The following CPQ variants were observed in gnomAD, a reference collection of about 807,000 sequenced individuals.
The protein encoded by CPQ is Ser-Met dipeptidase.
A neutral mutation model predicts 45.7 loss-of-function variants in CPQ; 37 were observed. The observed-to-expected ratio is 0.81, with a 90% CI of 0.62 to 1.07. CPQ has a LOEUF of 1.07. Ranked by LOEUF, CPQ falls within the 50% of genes least tolerant of loss-of-function variation. CPQ has a pLI of 0.00. For missense variants in CPQ, 537 were observed against 572.9 expected (o/e 0.94, Z 0.64); for synonymous variants, 186 against 205.8 (o/e 0.90, Z 0.82).
At chr8:97,075,725 G>A (rs904238465) in intron 7 of CPQ, among the ~76,000 whole-genome samples, 3 of 152,062 alleles carry the variant, frequency 2.0e-5, no homozygotes, top group Admixed American at 2.0e-4. Flanking sequence ...AATTTATTTT[G>A]ACTTGTTTTA....
intron 7 of CPQ, among the ~76,000 whole-genome samples, chr8:97,122,908 A>AAAAT (rs1811735164): frequency 7.9e-5 from 7 of 88,972 alleles, no homozygotes; most frequent in African/African-American, 4.5e-4. Context: ...AAAATAAAAT[A>AAAAT]AAATAAAATA....
intron 6 of CPQ, among the ~76,000 whole-genome samples, chr8:97,059,000 C>T (rs1043536954): frequency 6.6e-6 from 1 of 151,980 alleles, no homozygotes; most frequent in Non-Finnish European, 1.5e-5. Context: ...ATGTTTATGC[C>T]ACATTTTTAG....
At chr8:96,685,437 C>A (rs1809213658) in intron 1 of CPQ, among the ~76,000 whole-genome samples, 1 of 151,810 alleles carries the variant, frequency 6.6e-6, no homozygotes, top group Non-Finnish European at 1.5e-5. Flanking sequence ...CTTAATTTTT[C>A]TTCGATTAGT....
chr8:96,894,932 A>G (rs933226515), intron 4 of CPQ, among the ~76,000 whole-genome samples: 19 of 152,206 alleles, frequency 1.2e-4, no homozygotes, highest in Non-Finnish European at 2.5e-4. Context: ...AACCAATTAT[A>G]TGTTTTACTT....
intron 1 of CPQ, among the ~76,000 whole-genome samples, chr8:96,771,678 C>G (rs1810544964): frequency 6.6e-6 from 1 of 152,068 alleles, no homozygotes. Context: ...CAAGACAGTA[C>G]CTATTTACAA....
In CPQ at chr8:97,029,465, G is replaced by A; in HGVS notation, c.1024G>A (p.Gly342Ser). 1 of 1,608,848 alleles carries A rather than the reference G, an allele frequency of 6.2e-7. No individual in the cohort carries two copies. The highest frequency in any genetic ancestry group is 8.5e-7 in the Non-Finnish European group (1 of 1,177,426). ...GACTGCAGAAGAACAAGGTGGAGTT[G>A]GTGCCTTCCAGTATTATCAGTTACA... ...LWTAEEQGGV[G>S]AFQYYQLHKV... The change falls in exon 6 of 8, where the codon GGT (glycine) becomes AGT (serine). Residue 342 changes from glycine to serine, a missense_variant. By Grantham distance (56) the Gly-to-Ser change is moderately conservative. Coordinates refer to ENST00000220763, the MANE Select transcript of CPQ (RefSeq NM_016134.4).
intron 6 of CPQ, among the ~76,000 whole-genome samples, chr8:97,058,232 C>T (rs188779326): frequency 2.6e-5 from 4 of 152,126 alleles, no homozygotes; most frequent in Admixed American, 2.0e-4. Context: ...TAGAGTATAG[C>T]GTAGTCTATT....
intron 1 of CPQ, among the ~76,000 whole-genome samples, chr8:96,660,590 G>A (rs1815688718): frequency 6.6e-6 from 1 of 151,944 alleles, no homozygotes; most frequent in African/African-American, 2.4e-5. Flanking sequence ...CCAACTTCTT[G>A]TAGGTTCTGA....
At chr8:96,779,931 CA>C (rs1395506452) in intron 1 of CPQ, among the ~76,000 whole-genome samples, 16 of 152,186 alleles carry the variant, frequency 1.1e-4, no homozygotes, top group Admixed American at 3.9e-4. Context: ...AAAAGGGAAG[CA>C]GCAACAGTGT....
intron 1 of CPQ, among the ~76,000 whole-genome samples, chr8:96,746,423 T>C (rs1235962368): frequency 6.6e-6 from 1 of 152,218 alleles, no homozygotes; most frequent in East Asian, 1.9e-4. Context: ...CCTTGCTTTG[T>C]TGACACATTC....
chr8:97,128,691 A>G (rs768409006), intron 7 of CPQ, among the ~76,000 whole-genome samples: 1 of 152,158 alleles, frequency 6.6e-6, no homozygotes, highest in Non-Finnish European at 1.5e-5. Context: ...TCTCAAAAAA[A>G]CAAACAAACA....
intron 6 of CPQ, among the ~76,000 whole-genome samples, chr8:97,038,199 A>G (rs1239608773): frequency 6.6e-6 from 1 of 152,228 alleles, no homozygotes; most frequent in Non-Finnish European, 1.5e-5. Context: ...CCTAAGTAAA[A>G]CAATTGCCTT....
At chr8:96,892,671 T>C (rs1812393536) in intron 4 of CPQ, among the ~76,000 whole-genome samples, 1 of 152,188 alleles carries the variant, frequency 6.6e-6, no homozygotes, top group Non-Finnish European at 1.5e-5. Flanking sequence ...TGTTTATTTT[T>C]CAAATTTCTG....
chr8:97,015,297 G>A (rs1182220887), intron 5 of CPQ, among the ~76,000 whole-genome samples: 1 of 151,810 alleles, frequency 6.6e-6, no homozygotes, highest in South Asian at 2.1e-4. Context: ...AATAATGATA[G>A]AGAAAAAGAA....
chr8:96,853,962 A>G (rs530565160), intron 3 of CPQ, among the ~76,000 whole-genome samples: 9 of 152,296 alleles, frequency 5.9e-5, no homozygotes, highest in Admixed American at 5.9e-4. Flanking sequence ...TAGCTATTCT[A>G]ACCCCACACA....
chr8:96,968,333 C>T (rs1361729756), intron 5 of CPQ, among the ~76,000 whole-genome samples: 1 of 152,172 alleles, frequency 6.6e-6, no homozygotes, highest in African/African-American at 2.4e-5. Context: ...CCTCACTTTC[C>T]ATGATTGCAC....
intron 1 of CPQ, among the ~76,000 whole-genome samples, chr8:96,708,437 GTATATA>G (rs71512449): frequency 4.3e-4 from 47 of 109,850 alleles, no homozygotes; most frequent in African/African-American, 1.7e-3. Context: ...GTGTGTGTGT[GTATATA>G]TATATATATA....
intron 4 of CPQ, among the ~76,000 whole-genome samples, chr8:96,895,931 A>G (rs182031374): frequency 3.9e-5 from 6 of 152,178 alleles, no homozygotes; most frequent in African/African-American, 1.4e-4. Context: ...TTTCATTCCA[A>G]ATTTCTTCTG....
chr8:96,675,442 T>C (rs145905379), intron 1 of CPQ, among the ~76,000 whole-genome samples: 10 of 152,222 alleles, frequency 6.6e-5, no homozygotes, highest in Admixed American at 3.3e-4. Flanking sequence ...CATGTACCAA[T>C]ACACATAGAT....
Sources: allele counts gnomAD v4.1 joint callset (sites outside exome capture counted in the v4.1 genomes callset), GRCh38; gene constraint gnomAD v4.1.1; transcripts MANE v1.5; gene names NCBI Gene and HGNC (gene_info 2026-07-23, HGNC 2026-07-21).